Variants in MROH1 observed in about 807,000 individuals in gnomAD.
MROH1 encodes the protein maestro heat-like repeat-containing protein family member 1.
A neutral mutation model predicts 116.5 loss-of-function variants in MROH1; 117 were observed. The ratio of observed to expected loss-of-function variants is 1.00; its 90% CI spans 0.86 to 1.17. MROH1 has a LOEUF of 1.17. MROH1 is among the 50% of genes most tolerant of loss of function. The pLI, the probability that MROH1 is intolerant of heterozygous loss-of-function variation, is 0.00. For missense variants in MROH1, 1,873 were observed against 1,338.5 expected, an observed-to-expected ratio of 1.40 and a Z score of -6.23; for synonymous variants, 921 against 583.9, an observed-to-expected ratio of 1.58 and a Z score of -8.32.
intron 28 of MROH1, 72 bp downstream of exon 28, chr8:144,244,611 C>G: frequency 2.8e-6 from 2 of 714,948 alleles, no homozygotes; most frequent in Non-Finnish European, 5.2e-6. Context: ...TGCTGGCCCT[C>G]TCTCCACATG....
intron 16 of MROH1, 29 bp downstream of exon 16, chr8:144,239,208 C>T (rs1371286474): frequency 1.1e-5 from 8 of 743,168 alleles, no homozygotes; most frequent in Non-Finnish European, 2.0e-5. Context: ...CCCACCTCCC[C>T]ACTCCTGCCC....
intron 22 of MROH1, 111 bp downstream of exon 22, chr8:144,241,628 C>T: frequency 1.3e-6 from 1 of 758,008 alleles, no homozygotes; most frequent in Non-Finnish European, 2.5e-6. Context: ...CGTCCCTGGA[C>T]CAATTTTTGC....
At chr8:144,215,278 C>T (rs544288608) in intron 12 of MROH1, among the ~76,000 whole-genome samples, 23 of 152,218 alleles carry the variant, frequency 1.5e-4, no homozygotes, top group African/African-American at 5.1e-4. Context: ...TTCCAAAGTT[C>T]GAAACTTTTT....
intron 12 of MROH1, among the ~76,000 whole-genome samples, chr8:144,204,258 G>A (rs1458846359): frequency 6.6e-6 from 1 of 152,124 alleles, no homozygotes; most frequent in Non-Finnish European, 1.5e-5. Flanking sequence ...CTGCGGGTGT[G>A]CACCACCACA....
At chr8:144,235,054 A>G (rs1159423908) in intron 14 of MROH1, among the ~76,000 whole-genome samples, 2 of 151,234 alleles carry the variant, frequency 1.3e-5, no homozygotes, top group East Asian at 2.0e-4. Context: ...CACCATGCCC[A>G]GCTGATTTGT....
intron 12 of MROH1, 28 bp downstream of exon 12, chr8:144,200,569 C>T: frequency 6.8e-7 from 1 of 1,468,008 alleles, no homozygotes; most frequent in East Asian, 2.5e-5. Context: ...AGCCTGGCCG[C>T]CACCCCTGGC....
chr8:144,255,777 G>A (rs961571254), intron 35 of MROH1, 72 bp downstream of exon 35: 2 of 688,074 alleles, frequency 2.9e-6, no homozygotes, highest in Non-Finnish European at 5.4e-6. Context: ...CGCGCGTGGT[G>A]GGGGCGGACG....
Position 144,163,771 on chromosome 8 carries a change from A to G in MROH1, c.-56A>G. 1.2e-6 allele frequency: 2 copies of G among 1,602,316 alleles called. No homozygotes were observed. Among genetic ancestry groups the G allele is most frequent in the Non-Finnish European group, 1.7e-6 (2 of 1,171,220 alleles). On this transcript the variant is annotated splice_region_variant and 5_prime_UTR_variant, in exon 3 of 44. An upstream start codon of the reference 5' UTR is lost. Coordinates refer to ENST00000326134, the MANE Select transcript of MROH1 (RefSeq NM_032450.3). This position sits in a 1 kb window ranked among gnomAD's most constrained non-coding sequence, Gnocchi z 4.4. ...AATCTTGTGATTTTGGTTATTCCAG[A>G]TGGGAGAAGAAGTTGTCCATGTTCA...
chr8:144,237,127 G>C (rs1399663026), intron 14 of MROH1, among the ~76,000 whole-genome samples: 1 of 151,538 alleles, frequency 6.6e-6, no homozygotes, highest in African/African-American at 2.4e-5. Context: ...GGATGGTCTC[G>C]ATCTCCTGAC....
At chr8:144,246,416 C>T (rs2133056994) in intron 29 of MROH1, among the ~76,000 whole-genome samples, 1 of 152,172 alleles carries the variant, frequency 6.6e-6, no homozygotes, top group East Asian at 1.9e-4. Context: ...AGGCATGAGC[C>T]ACCGCGCCCT....
In MROH1 at chr8:144,180,320, C is replaced by T. The variant is rs904010971; in HGVS notation, c.443C>T (p.Ala148Val). 4 of 1,606,710 alleles carry T rather than the reference C, an allele frequency of 2.5e-6. No individual in the cohort carries two copies. Among genetic ancestry groups the T allele is most frequent in the Non-Finnish European group, 3.4e-6 (4 of 1,179,364 alleles). The part of the protein sequence containing the change: ...LPHCAVLHTL[A>V]SLSVANAFGV... ...CACTGCGCCGTGCTGCACACCCTCG[C>T]CAGCCTCTCGGTGGCCAACGGTAGG... The change falls in exon 6 of 44, where the codon GCC becomes GTC. Residue 148 changes from alanine (A) to valine (V), a missense_variant. Coordinates refer to ENST00000326134, the MANE Select transcript of MROH1 (RefSeq NM_032450.3). The surrounding 1 kb of genome is among the most constrained non-coding windows in gnomAD (Gnocchi z 7.4).
chr8:144,216,391 G>A (rs1040240915), intron 12 of MROH1, among the ~76,000 whole-genome samples: 8 of 150,562 alleles, frequency 5.3e-5, no homozygotes, highest in African/African-American at 1.7e-4. Context: ...GGAGAATGGC[G>A]TGAACCCAGG....
chr8:144,234,543 G>T (rs1839689584), intron 14 of MROH1, among the ~76,000 whole-genome samples: 2 of 39,594 alleles, frequency 5.1e-5, no homozygotes, highest in Admixed American at 4.3e-4. Context: ...TTCAAAAAGA[G>T]TCTTGCTCTG....
chr8:144,179,065 A>G (rs773168269), intron 4 of MROH1, among the ~76,000 whole-genome samples: 48 of 152,182 alleles, frequency 3.2e-4, no homozygotes, highest in Admixed American at 5.2e-4. Context: ...CTAGCGGCAG[A>G]GACTGAGGCC....
intron 8 of MROH1, 118 bp downstream of exon 8, chr8:144,191,053 C>A: frequency 8.9e-7 from 1 of 1,118,110 alleles, no homozygotes; most frequent in East Asian, 2.7e-5. Context: ...GCAGAGGTGC[C>A]CAATGGGAGG....
intron 12 of MROH1, among the ~76,000 whole-genome samples, chr8:144,210,840 A>G (rs1175354637): frequency 6.6e-6 from 1 of 152,176 alleles, no homozygotes; most frequent in African/African-American, 2.4e-5. Flanking sequence ...AATACATGCA[A>G]TATAAAATTT....
rs368837102 is a variant in MROH1 at position 144,168,388 on chromosome 8, G to A, written c.116G>A (p.Arg39Gln). ...CSALCSLGEA[R>Q]PVETLRACEE... is the part of the protein sequence containing the mutation. The stretch of plus-strand genomic sequence containing the variant: ...GCCCTGTGCTCCCTCGGGGAGGCGC[G>A]GCCGGTGGAGACGCTCCGTGCCTGC... The change falls in exon 4 of 44, where the codon CGG (arginine) becomes CAG (glutamine). Residue 39 changes from arginine (R) to glutamine (Q), a missense_variant. Coordinates refer to ENST00000326134, the MANE Select transcript of MROH1 (RefSeq NM_032450.3). 189 of 1,611,558 alleles carry A rather than the reference G, an allele frequency of 1.2e-4. No homozygotes were observed. The African/African-American group carries it at 1.6e-3, about 14-fold the overall frequency.
At chr8:144,248,069 A>G (rs1366405296) in intron 31 of MROH1, among the ~76,000 whole-genome samples, 1 of 152,166 alleles carries the variant, frequency 6.6e-6, no homozygotes, top group African/African-American at 2.4e-5. Flanking sequence ...CCCAGAGGCT[A>G]CCCAAGAGCC....
chr8:144,178,322 G>T (rs1230424737), intron 4 of MROH1, among the ~76,000 whole-genome samples: 2 of 152,052 alleles, frequency 1.3e-5, no homozygotes, highest in Non-Finnish European at 2.9e-5. Context: ...AGTAGAGACG[G>T]GGTTTCACCA....
Sources: allele counts gnomAD v4.1 joint callset (sites outside exome capture counted in the v4.1 genomes callset), GRCh38; gene constraint gnomAD v4.1.1; non-coding constraint Gnocchi (gnomAD v3.1); transcripts MANE v1.5; gene names NCBI Gene and HGNC (gene_info 2026-07-23, HGNC 2026-07-21).